Variants in DRC9 observed in about 807,000 individuals in gnomAD.
DRC9 encodes the protein dynein regulatory complex subunit 9, also known as dynein regulatory complex protein 9.
the DRC9 span, among the ~76,000 whole-genome samples, chr3:197,939,944 A>G: frequency 7.2e-4 from 110 of 152,268 alleles, 1 homozygote; most frequent in East Asian, 0.019. Flanking sequence ...AAGAAATGTG[A>G]ATTTTTAGAA....
chr3:197,943,774 A>C, the DRC9 span: 1 of 1,613,880 alleles, frequency 6.2e-7, no homozygotes, highest in Non-Finnish European at 8.5e-7. Context: ...GAGTGGGTCT[A>C]TACCACGCAG....
the DRC9 span, among the ~76,000 whole-genome samples, chr3:197,893,613 G>A: frequency 6.6e-6 from 1 of 151,798 alleles, no homozygotes. Context: ...GGAGGCCGAG[G>A]TGGGCAGATC....
chr3:197,938,478 C>T, the DRC9 span: 5 of 1,106,746 alleles, frequency 4.5e-6, no homozygotes, highest in Non-Finnish European at 6.9e-6. Context: ...AGCAGTCAGC[C>T]ACCTGGGCGC....
chr3:197,950,909 T>G, the DRC9 span: 1 of 1,613,172 alleles, frequency 6.2e-7, no homozygotes, highest in Non-Finnish European at 8.5e-7. Flanking sequence ...GGCTTGGTTT[T>G]AAACTAATCT....
At chr3:197,955,607 A>G in the DRC9 span, 1 of 754,972 alleles carries the variant, frequency 1.3e-6, no homozygotes, top group Admixed American at 1.9e-5. Context: ...ATGTTCACGT[A>G]GAGACTGAAG....
chr3:197,915,963 G>A, the DRC9 span, among the ~76,000 whole-genome samples: 1 of 151,830 alleles, frequency 6.6e-6, no homozygotes, highest in East Asian at 1.9e-4. Flanking sequence ...TGTAAGTAGG[G>A]TAGAATTAGT....
At chr3:197,923,241 C>T in the DRC9 span, among the ~76,000 whole-genome samples, 1 of 152,182 alleles carries the variant, frequency 6.6e-6, no homozygotes, top group African/African-American at 2.4e-5. Context: ...ACCTTAGCCT[C>T]CCACGCAGTT....
chr3:197,958,028 T>C, the DRC9 span: 1 of 152,214 alleles, frequency 6.6e-6, no homozygotes, highest in South Asian at 2.1e-4. Context: ...AGATTGTTCT[T>C]GAGTGTAATA....
chr3:197,909,593 TATCA>T, the DRC9 span, among the ~76,000 whole-genome samples: 2 of 148,570 alleles, frequency 1.3e-5, no homozygotes, highest in Non-Finnish European at 2.9e-5. Context: ...AGATATATTC[TATCA>T]ATCAGCTGTA....
chr3:197,898,179 G>C, the DRC9 span, among the ~76,000 whole-genome samples: 1 of 152,056 alleles, frequency 6.6e-6, no homozygotes, highest in Non-Finnish European at 1.5e-5. Context: ...GGAAGCCTAC[G>C]CTCTTCCCTC....
chr3:197,934,295 C>T, the DRC9 span, among the ~76,000 whole-genome samples: 6 of 150,158 alleles, frequency 4.0e-5, no homozygotes, highest in African/African-American at 1.5e-4. Flanking sequence ...AGCGATTCTC[C>T]TGTCTCAGCC....
the DRC9 span, among the ~76,000 whole-genome samples, chr3:197,925,573 T>G: frequency 7.3e-4 from 105 of 143,828 alleles, 2 homozygotes; most frequent in Middle Eastern, 3.6e-3. Context: ...CTACTTGCTA[T>G]CTTTATATCT....
chr3:197,938,495 G>C, the DRC9 span: 2 of 1,381,314 alleles, frequency 1.4e-6, no homozygotes, highest in Non-Finnish European at 2.1e-6. Context: ...GCGCCCCTTC[G>C]CTCATCTATG....
chr3:197,924,244 A>G, the DRC9 span, among the ~76,000 whole-genome samples: 1 of 151,338 alleles, frequency 6.6e-6, no homozygotes, highest in Admixed American at 6.6e-5. Context: ...CTGTAGTCCC[A>G]GCTACTCGGG....
chr3:197,915,937 C>T, the DRC9 span, among the ~76,000 whole-genome samples: 1 of 151,822 alleles, frequency 6.6e-6, no homozygotes, highest in Non-Finnish European at 1.5e-5. Context: ...CCTCCAATTG[C>T]CTTTCGTCTT....
chr3:197,894,967 G>A, the DRC9 span, among the ~76,000 whole-genome samples: 3,482 of 152,068 alleles, frequency 0.023, 157 homozygotes, highest in African/African-American at 0.08. Context: ...CCGAGGCAGG[G>A]TGATTACTTC....
chr3:197,914,107 G>A, the DRC9 span: 7 of 1,365,860 alleles, frequency 5.1e-6, no homozygotes, highest in African/African-American at 2.9e-5. Context: ...TTCAGTCAGC[G>A]GCTTACGGTT....
chr3:197,945,957 A>G, the DRC9 span, among the ~76,000 whole-genome samples: 1 of 152,214 alleles, frequency 6.6e-6, no homozygotes, highest in African/African-American at 2.4e-5. Flanking sequence ...TTAATGTTCA[A>G]CGTGGTTTTA....
chr3:197,893,717 C>T, the DRC9 span, among the ~76,000 whole-genome samples: 10 of 149,610 alleles, frequency 6.7e-5, no homozygotes, highest in East Asian at 8.0e-4. Context: ...GCATGGTAGC[C>T]GGCACCTGTA....
Sources: allele counts gnomAD v4.1 joint callset (sites outside exome capture counted in the v4.1 genomes callset), GRCh38; gene constraint gnomAD v4.1.1; transcripts MANE v1.5; gene names NCBI Gene and HGNC (gene_info 2026-07-23, HGNC 2026-07-21).